FMN2: variants seen among roughly 807,000 people sequenced by gnomAD.
FMN2 encodes formin 2, also known as formin-2.
In FMN2, 51 loss-of-function variants were observed where a neutral mutation model predicts 142.3. That is an observed-to-expected ratio of 0.36 (90% confidence interval 0.29 to 0.45). The LOEUF is 0.45. Ranked by LOEUF, FMN2 falls within the 20% of genes least tolerant of loss-of-function variation. FMN2 has a pLI of 1.00. For missense variants in FMN2, 1,936 were observed against 2,122.8 expected (o/e 0.91, Z 1.73); for synonymous variants, 882 against 869.8 (o/e 1.01, Z -0.25).
intron 2 of FMN2, among the ~76,000 whole-genome samples, chr1:240,155,760 A>T (rs1663996687): frequency 6.6e-6 from 1 of 152,046 alleles, no homozygotes; most frequent in Non-Finnish European, 1.5e-5. Flanking sequence ...TTCTTTATTG[A>T]GTAATGTTTT....
intron 3 of FMN2, among the ~76,000 whole-genome samples, chr1:240,183,528 T>G (rs1332915980): frequency 6.7e-6 from 1 of 149,840 alleles, no homozygotes; most frequent in African/African-American, 2.4e-5. Context: ...ACATAGTATG[T>G]GCATGCATGT....
chr1:240,427,253 T>C (rs1420407696), intron 15 of FMN2, among the ~76,000 whole-genome samples: 1 of 151,714 alleles, frequency 6.6e-6, no homozygotes, highest in Non-Finnish European at 1.5e-5. Flanking sequence ...TCTCCCAGGC[T>C]GGAGTGCAGT....
intron 8 of FMN2, among the ~76,000 whole-genome samples, chr1:240,304,023 G>C (rs1438062659): frequency 6.6e-6 from 1 of 151,674 alleles, no homozygotes; most frequent in Non-Finnish European, 1.5e-5. Flanking sequence ...CCTTCTTTTT[G>C]ATTTATTTTC....
chr1:240,427,739 T>G (rs934312164), intron 15 of FMN2, among the ~76,000 whole-genome samples: 1 of 152,052 alleles, frequency 6.6e-6, no homozygotes, highest in African/African-American at 2.4e-5. Flanking sequence ...CTCTGTCTTG[T>G]ATTTCTTTTA....
intron 7 of FMN2, among the ~76,000 whole-genome samples, chr1:240,294,043 C>T (rs1262791229): frequency 6.6e-6 from 1 of 152,150 alleles, no homozygotes; most frequent in Non-Finnish European, 1.5e-5. Context: ...TCACTGGCTA[C>T]TTGGCACAAA....
At chr1:240,388,227 CAAAAA>C (rs761610582) in intron 14 of FMN2, among the ~76,000 whole-genome samples, 16 of 6,054 alleles carry the variant, frequency 2.6e-3, no homozygotes, top group African/African-American at 5.8e-3. Flanking sequence ...GTGCTCAAAG[CAAAAA>C]AAAAAAAAAA....
intron 2 of FMN2, among the ~76,000 whole-genome samples, chr1:240,154,042 G>A (rs1041222660): frequency 1.4e-5 from 2 of 144,628 alleles, no homozygotes; most frequent in African/African-American, 2.5e-5. Flanking sequence ...CCCAGGAGGC[G>A]GAGGTTGCAG....
At chr1:240,100,476 T>G (rs1055743029) in intron 1 of FMN2, among the ~76,000 whole-genome samples, 14 of 152,190 alleles carry the variant, frequency 9.2e-5, no homozygotes, top group Non-Finnish European at 1.8e-4. Flanking sequence ...TTTTTTATCT[T>G]AAAATATATG....
At chr1:240,107,752 C>T (rs571241814) in intron 1 of FMN2, among the ~76,000 whole-genome samples, 66 of 151,114 alleles carry the variant, frequency 4.4e-4, no homozygotes, top group African/African-American at 1.6e-3. Context: ...CTCTCTTCCC[C>T]AGGAAAAAAA....
chr1:240,124,379 A>G (rs559408884), intron 2 of FMN2, among the ~76,000 whole-genome samples: 18 of 152,310 alleles, frequency 1.2e-4, no homozygotes, highest in African/African-American at 3.4e-4. Flanking sequence ...GTGAAGCAGC[A>G]TTGTCTGCTT....
intron 1 of FMN2, among the ~76,000 whole-genome samples, chr1:240,104,301 C>A (rs1661525462): frequency 6.6e-6 from 1 of 151,722 alleles, no homozygotes; most frequent in South Asian, 2.1e-4. Flanking sequence ...ATCTACTATT[C>A]CTCACCTCGT....
At chr1:240,432,588 G>A (rs1429785701) in intron 15 of FMN2, among the ~76,000 whole-genome samples, 7 of 151,788 alleles carry the variant, frequency 4.6e-5, no homozygotes, top group Non-Finnish European at 1.0e-4. Context: ...CTAAATAACT[G>A]ATTTTACACA....
At chr1:240,174,259 GAACTGTAGCT>G (rs1289572891) in intron 2 of FMN2, among the ~76,000 whole-genome samples, 2 of 152,182 alleles carry the variant, frequency 1.3e-5, no homozygotes, top group Admixed American at 1.3e-4. Flanking sequence ...CTGTGTAGAA[GAACTGTAGCT>G]AACTGTAGCT....
intron 13 of FMN2, among the ~76,000 whole-genome samples, chr1:240,335,298 T>A (rs1671519728): frequency 6.6e-6 from 1 of 152,160 alleles, no homozygotes; most frequent in African/African-American, 2.4e-5. Flanking sequence ...GCCTTACAAG[T>A]TGGTGCTCAT....
intron 8 of FMN2, among the ~76,000 whole-genome samples, chr1:240,302,492 A>G (rs1311802647): frequency 6.6e-6 from 1 of 152,088 alleles, no homozygotes; most frequent in Non-Finnish European, 1.5e-5. Context: ...TGTATTCTCA[A>G]TAGAAAGCAA....
chr1:240,254,846 A>T (rs1346613058), intron 6 of FMN2, among the ~76,000 whole-genome samples: 1 of 152,122 alleles, frequency 6.6e-6, no homozygotes. Flanking sequence ...GTGGAGATGC[A>T]GGGGCTATTG....
chr1:240,116,231 A>C (rs2103204672), intron 1 of FMN2, among the ~76,000 whole-genome samples: 1 of 152,290 alleles, frequency 6.6e-6, no homozygotes, highest in South Asian at 2.1e-4. Context: ...CTGTCTTCAG[A>C]GGCTTCACGT....
At position 240,302,594 on chromosome 1, in the gene FMN2, G is replaced by A. The variant is rs1238713652; in HGVS notation, c.4215+7711G>A. Among the ~76,000 whole-genome samples, 3 of 151,976 alleles carry A rather than the reference G, an allele frequency of 2.0e-5. No individual in the cohort carries two copies. The South Asian group carries it at 6.2e-4, about 32-fold the overall frequency. On this transcript the variant is annotated intron_variant, in intron 8 of 17. Transcript: ENST00000319653. ...ATGTTGAAGAGCATTTGAAAAATTA[G>A]TAACTATTATATACTATATTAATAT...
chr1:240,177,902 T>G lies in FMN2; in HGVS notation c.1783-19T>G. The G allele has an allele frequency of 6.5e-7, 1 of 1,539,142 alleles. No homozygotes were observed. Among genetic ancestry groups the G allele is most frequent in the South Asian group, 1.3e-5 (1 of 77,798 alleles). On this transcript the variant is annotated intron_variant, in intron 2 of 17. Coordinates refer to ENST00000319653, the MANE Select transcript of FMN2 (RefSeq NM_020066.5). ...AACTGAATTAATAGCATTTCAACAT[T>G]TTTTATTTTTAAATATAGCAAGATC...
Sources: allele counts gnomAD v4.1 joint callset (sites outside exome capture counted in the v4.1 genomes callset), GRCh38; gene constraint gnomAD v4.1.1; transcripts MANE v1.5; gene names NCBI Gene and HGNC (gene_info 2026-07-23, HGNC 2026-07-21).